Variants in TRAPPC9 observed in about 807,000 individuals in gnomAD.
TRAPPC9 encodes the protein IKK2 binding protein.
In TRAPPC9, 83 loss-of-function variants were observed where a neutral mutation model predicts 124.0. The ratio of observed to expected loss-of-function variants is 0.67; its 90% CI spans 0.56 to 0.80. The LOEUF is 0.80. Among genes scored for constraint, TRAPPC9 ranks in the 30% least tolerant of loss-of-function variants. The probability of loss-of-function intolerance (pLI) is 0.00; values close to 1 mark genes in which losing one functional copy is unlikely to be tolerated. For synonymous variants in TRAPPC9, 638 were observed against 617.5 expected, an observed-to-expected ratio of 1.03 and a Z score of -0.49; for missense variants, 1,302 against 1,508.3, an observed-to-expected ratio of 0.86 and a Z score of 2.27.
At chr8:139,805,367 C>G (rs1225634477) in intron 21 of TRAPPC9, among the ~76,000 whole-genome samples, 1 of 152,232 alleles carries the variant, frequency 6.6e-6, no homozygotes, top group Non-Finnish European at 1.5e-5. Context: ...AGGGCCCTCA[C>G]CAGGGTCGGA....
chr8:140,413,509 CTTTT>C (rs200188588), intron 5 of TRAPPC9, among the ~76,000 whole-genome samples: 1 of 137,002 alleles, frequency 7.3e-6, no homozygotes, highest in African/African-American at 2.7e-5. Context: ...AGAACAAAGT[CTTTT>C]TTTTTTTTTT....
At chr8:139,786,507 T>A (rs543503302) in intron 21 of TRAPPC9, among the ~76,000 whole-genome samples, 86 of 144,976 alleles carry the variant, frequency 5.9e-4, no homozygotes, top group Middle Eastern at 3.6e-3. Flanking sequence ...GGAAGCTTCT[T>A]AAAAAAAAAA....
chr8:140,321,213 G>C (rs2066585605), intron 9 of TRAPPC9, among the ~76,000 whole-genome samples: 1 of 152,228 alleles, frequency 6.6e-6, no homozygotes, highest in African/African-American at 2.4e-5. Context: ...CAGTCTCATG[G>C]GGCTAGGAGA....
chr8:140,249,200 G>A (rs1563881069), intron 16 of TRAPPC9, among the ~76,000 whole-genome samples: 1 of 152,100 alleles, frequency 6.6e-6, no homozygotes, highest in Non-Finnish European at 1.5e-5. Context: ...TTCTCGAGTA[G>A]CCCCCGTGTC....
intron 19 of TRAPPC9, among the ~76,000 whole-genome samples, chr8:139,918,595 C>A (rs908948973): frequency 2.0e-5 from 3 of 152,236 alleles, no homozygotes; most frequent in African/African-American, 7.2e-5. Context: ...CAGCCAGACA[C>A]CGCCTTCCCC....
chr8:140,404,893 C>T (rs746730975), intron 6 of TRAPPC9, among the ~76,000 whole-genome samples: 12 of 62,374 alleles, frequency 1.9e-4, no homozygotes, highest in East Asian at 2.3e-3. Context: ...CATGTGTGCA[C>T]GTGTGTGTGA....
chr8:139,855,514 C>T lies in TRAPPC9; in HGVS notation c.3055+30365G>A, dbSNP rs929082951. On this transcript the variant is annotated intron_variant, in intron 21 of 22. Transcript: ENST00000438773. ...TAAAAAGAAATTCCCAGGCAGCTCA[C>T]CACAGCTGTGCAAGTGCTTACACGA... 9.9e-4 allele frequency among the ~76,000 whole-genome samples: 151 copies of T among 152,286 alleles called. 1 individual carries two copies. Among genetic ancestry groups the T allele is most frequent in the Non-Finnish European group, 6.5e-4 (44 of 68,028 alleles).
At chr8:140,258,361 G>A (rs1220675537) in intron 15 of TRAPPC9, among the ~76,000 whole-genome samples, 7 of 152,242 alleles carry the variant, frequency 4.6e-5, no homozygotes, top group Admixed American at 4.6e-4. Context: ...ACACACGGCT[G>A]TTGCCATCTT....
At chr8:140,426,703 T>A in intron 4 of TRAPPC9, 62 bp from the exon 5 acceptor site, 1 of 1,484,162 alleles carries the variant, frequency 6.7e-7, no homozygotes, top group Non-Finnish European at 9.4e-7. Context: ...TAAAAATAAC[T>A]ACTAAAACAC....
intron 17 of TRAPPC9, among the ~76,000 whole-genome samples, chr8:140,066,781 A>T (rs1842914248): frequency 6.6e-6 from 1 of 152,358 alleles, no homozygotes; most frequent in South Asian, 2.1e-4. Flanking sequence ...GATCAAAGAT[A>T]CCTGGCACCA....
At chr8:140,147,622 G>C (rs2061482628) in intron 17 of TRAPPC9, among the ~76,000 whole-genome samples, 1 of 152,220 alleles carries the variant, frequency 6.6e-6, no homozygotes, top group South Asian at 2.1e-4. Context: ...TTACAGTTAT[G>C]TTTCAGTGAA....
At chr8:140,018,874 G>A (rs560958564) in intron 18 of TRAPPC9, among the ~76,000 whole-genome samples, 27 of 116,112 alleles carry the variant, frequency 2.3e-4, no homozygotes, top group South Asian at 5.5e-4. Context: ...CGGTGGAAAC[G>A]TGCCTTGTTA....
At chr8:140,349,168 C>T (rs1299615362) in intron 9 of TRAPPC9, among the ~76,000 whole-genome samples, 18 of 105,904 alleles carry the variant, frequency 1.7e-4, no homozygotes, top group African/African-American at 6.9e-4. Flanking sequence ...TGGGGGCGCA[C>T]GAAGGAAGGA....
At chr8:140,047,077 A>G (rs1419104535) in intron 17 of TRAPPC9, among the ~76,000 whole-genome samples, 1 of 152,192 alleles carries the variant, frequency 6.6e-6, no homozygotes, top group African/African-American at 2.4e-5. Flanking sequence ...GGAGGCCTGC[A>G]GCTCCCCAGA....
chr8:140,273,271 C>T (rs1486656074), intron 15 of TRAPPC9, among the ~76,000 whole-genome samples: 4 of 152,206 alleles, frequency 2.6e-5, no homozygotes, highest in African/African-American at 7.2e-5. Flanking sequence ...CCTCCTCGCA[C>T]TTCCTGTTGC....
At position 139,740,358 on chromosome 8, in the gene TRAPPC9, C is replaced by T. The variant is rs559021218; in HGVS notation, c.3056-8156G>A. 1.1e-4 allele frequency among the ~76,000 whole-genome samples: 16 copies of T among 152,352 alleles called. No individual in the cohort carries two copies. The South Asian group carries it at 1.2e-3, about 12-fold the overall frequency. The stretch of plus-strand genomic sequence containing the variant: ...ACGGGCTATAAGTAAAGGCTGTGCC[C>T]GCCAGGGAGGGGCTTGGCAGGGCAC... On this transcript the variant is annotated intron_variant, in intron 21 of 22. Transcript: ENST00000438773.
chr8:140,204,324 G>A (rs191163679), intron 17 of TRAPPC9, among the ~76,000 whole-genome samples: 1 of 152,152 alleles, frequency 6.6e-6, no homozygotes, highest in East Asian at 1.9e-4. Context: ...TCCTTTGTAG[G>A]GACACGGATG....
At chr8:140,004,720 C>T (rs910281690) in intron 18 of TRAPPC9, among the ~76,000 whole-genome samples, 3 of 152,108 alleles carry the variant, frequency 2.0e-5, no homozygotes, top group Non-Finnish European at 1.5e-5. Flanking sequence ...AATGAGTACC[C>T]GCCAAGGTCC....
intron 16 of TRAPPC9, among the ~76,000 whole-genome samples, chr8:140,230,939 CT>C (rs1256343271): frequency 2.0e-5 from 3 of 152,128 alleles, no homozygotes; most frequent in Admixed American, 6.5e-5. Context: ...TTTAGGACCC[CT>C]TTTAGGGGGT....
Sources: gnomAD v4.1 joint callset for allele counts (sites outside exome capture counted in the v4.1 genomes callset) on GRCh38, gnomAD v4.1.1 for gene constraint, MANE v1.5 for transcripts, NCBI Gene and HGNC (gene_info 2026-07-23, HGNC 2026-07-21) for gene names.